Variants in STXBP5L observed in about 807,000 individuals in gnomAD.
The protein encoded by STXBP5L is syntaxin-binding protein 5-like.
A neutral mutation model predicts 144.5 loss-of-function variants in STXBP5L; 65 were observed. That is an observed-to-expected ratio of 0.45 (90% CI 0.37 to 0.55). The LOEUF (loss-of-function observed/expected upper bound fraction) is 0.55. Among genes scored for constraint, STXBP5L ranks in the 20% least tolerant of loss-of-function variants. STXBP5L has a pLI of 0.00. For synonymous variants in STXBP5L, 505 were observed against 469.6 expected (o/e 1.08, Z -0.97); for missense variants, 1,298 against 1,405.5 (o/e 0.92, Z 1.22).
intron 3 of STXBP5L, among the ~76,000 whole-genome samples, chr3:120,990,607 G>A (rs1354179714): frequency 6.6e-6 from 1 of 152,086 alleles, no homozygotes; most frequent in Non-Finnish European, 1.5e-5. Context: ...TACCAAAACA[G>A]CATGGTACTG....
intron 3 of STXBP5L, among the ~76,000 whole-genome samples, chr3:121,011,659 CT>C (rs200667115): frequency 2.0e-4 from 30 of 150,806 alleles, no homozygotes; most frequent in Admixed American, 4.7e-4. Context: ...GTAATATTCA[CT>C]TTTAAAAAAA....
chr3:121,207,868 CT>C (rs2048399219), intron 10 of STXBP5L, among the ~76,000 whole-genome samples: 1 of 152,122 alleles, frequency 6.6e-6, no homozygotes, highest in African/African-American at 2.4e-5. Flanking sequence ...AATAGGAACA[CT>C]TTTACACTGT....
intron 3 of STXBP5L, among the ~76,000 whole-genome samples, chr3:121,026,047 TAATTA>T (rs989273729): frequency 1.4e-5 from 2 of 147,402 alleles, no homozygotes; most frequent in Non-Finnish European, 3.0e-5. Flanking sequence ...TATATAATTA[TAATTA>T]AATTATATTA....
At chr3:121,103,426 T>C (rs2107788666) in intron 5 of STXBP5L, among the ~76,000 whole-genome samples, 1 of 152,004 alleles carries the variant, frequency 6.6e-6, no homozygotes, top group South Asian at 2.1e-4. Flanking sequence ...CTTAAGAAAA[T>C]TTACACAGGA....
intron 3 of STXBP5L, among the ~76,000 whole-genome samples, chr3:121,037,902 T>C (rs1946871393): frequency 6.6e-6 from 1 of 152,074 alleles, no homozygotes; most frequent in African/African-American, 2.4e-5. Flanking sequence ...TTTCTGGGAA[T>C]TTGTCCATTT....
At chr3:121,000,257 G>T (rs1943664062) in intron 3 of STXBP5L, among the ~76,000 whole-genome samples, 1 of 152,112 alleles carries the variant, frequency 6.6e-6, no homozygotes, top group African/African-American at 2.4e-5. Context: ...AGGAGTCATA[G>T]ATTTGGTCTA....
chr3:120,951,314 A>T (rs1448053934), intron 2 of STXBP5L, among the ~76,000 whole-genome samples: 1 of 152,232 alleles, frequency 6.6e-6, no homozygotes, highest in Non-Finnish European at 1.5e-5. Flanking sequence ...CGATCTAATT[A>T]AACTAAAGAG....
intron 3 of STXBP5L, among the ~76,000 whole-genome samples, chr3:120,967,247 C>T (rs1396360909): frequency 1.3e-5 from 2 of 152,176 alleles, no homozygotes; most frequent in African/African-American, 2.4e-5. Flanking sequence ...CCTCCCCTTG[C>T]ACTTCCTGGG....
At chr3:121,332,309 A>C (rs2044345673) in intron 20 of STXBP5L, among the ~76,000 whole-genome samples, 1 of 151,444 alleles carries the variant, frequency 6.6e-6, no homozygotes, top group Non-Finnish European at 1.5e-5. Flanking sequence ...AAGTTACTTC[A>C]GGAGATACAA....
chr3:120,936,795 C>T (rs1576447381), intron 2 of STXBP5L, among the ~76,000 whole-genome samples: 5 of 151,974 alleles, frequency 3.3e-5, no homozygotes, highest in Admixed American at 2.6e-4. Flanking sequence ...TATTTTTAGG[C>T]CTCCCAAAGT....
intron 19 of STXBP5L, among the ~76,000 whole-genome samples, chr3:121,305,973 A>G (rs2043323734): frequency 6.6e-6 from 1 of 152,208 alleles, no homozygotes; most frequent in Non-Finnish European, 1.5e-5. Flanking sequence ...ATATTTCTAT[A>G]TAAATAACAG....
intron 12 of STXBP5L, among the ~76,000 whole-genome samples, chr3:121,238,040 C>A (rs1455647181): frequency 6.6e-6 from 1 of 152,186 alleles, no homozygotes; most frequent in Non-Finnish European, 1.5e-5. Flanking sequence ...TCTCCAAACT[C>A]TTCCAACCTC....
chr3:121,047,912 A>G (rs892683936), intron 5 of STXBP5L, among the ~76,000 whole-genome samples: 2 of 151,994 alleles, frequency 1.3e-5, no homozygotes, highest in African/African-American at 4.8e-5. Context: ...GCTATTGTGC[A>G]TACTTGTTTG....
intron 22 of STXBP5L, among the ~76,000 whole-genome samples, chr3:121,405,513 G>A (rs1438001032): frequency 1.3e-5 from 2 of 152,126 alleles, no homozygotes; most frequent in Non-Finnish European, 2.9e-5. Flanking sequence ...ATTGAATGAA[G>A]GTTGTAGTCG....
Position 121,259,174 on chromosome 3 carries a change from TA to T in STXBP5L, c.1958+8del, listed in dbSNP as rs748420884. On this transcript the variant is annotated splice_region_variant and intron_variant, in intron 18 of 26. Transcript: ENST00000471454. ...GTAAGCTCAGCATATGGAATGTAAG[TA>T]ATTAAACTTTTTTATGATATGTATT... The T allele has an allele frequency of 9.8e-6, 15 of 1,529,470 alleles. No individual in the cohort carries two copies. Among genetic ancestry groups the T allele is most frequent in the Non-Finnish European group, 1.3e-5 (15 of 1,136,376 alleles). The allele number at this position is 1,529,470 out of a possible 1,614,324, so 94.7% of individuals were successfully genotyped here. A position where few individuals can be genotyped will look rare whatever the true frequency, so the allele number is the denominator to read the frequency against.
Position 121,407,437 on chromosome 3 carries a change from A to C in STXBP5L, c.2782A>C (p.Ile928Leu). 1 of 1,613,340 alleles carries C rather than the reference A, an allele frequency of 6.2e-7. No homozygotes were observed. Among genetic ancestry groups the C allele is most frequent in the Non-Finnish European group, 8.5e-7 (1 of 1,179,484 alleles). Residue 928 changes from isoleucine (I) to leucine (L), a missense_variant, in exon 23 of 27, where the codon ATC becomes CTC. Physicochemically the swap from Ile to Leu is conservative, Grantham distance 5. Coordinates refer to ENST00000471454, the MANE Select transcript of STXBP5L (RefSeq NM_001308330.2). ...QEIGDHQYTI[I>L]CSEKQAKVFS... Reference sequence around the variant, plus strand: ...AATAGGAGATCATCAGTATACAATAATCTGCTCAGAAAAACAAGCCAAAGT... The same window carrying C: ...AATAGGAGATCATCAGTATACAATACTCTGCTCAGAAAAACAAGCCAAAGT...
At position 120,909,448 on chromosome 3, in the gene STXBP5L, C is replaced by T. The variant is rs1377338518; in HGVS notation, c.-8-123C>T. 4 of 830,546 alleles carry T rather than the reference C, an allele frequency of 4.8e-6. No homozygotes were observed. The East Asian group carries it at 1.2e-4, about 25-fold the overall frequency. The allele number at this position is 830,546 out of a possible 1,614,324, so 51.4% of individuals were successfully genotyped here. ...TCCTGACTCTTTTTTTCCAGTCGGT[C>T]GTAACCAATGCTCATAAAATGGGGA... On this transcript the variant is annotated intron_variant, in intron 1 of 26. Transcript: ENST00000471454.
intron 20 of STXBP5L, among the ~76,000 whole-genome samples, chr3:121,364,073 T>A (rs1560023617): frequency 6.6e-6 from 1 of 152,214 alleles, no homozygotes; most frequent in Non-Finnish European, 1.5e-5. Context: ...TCATTTCTTG[T>A]TTGTGCCTTT....
intron 5 of STXBP5L, among the ~76,000 whole-genome samples, chr3:121,048,959 T>A (rs1397234105): frequency 6.6e-6 from 1 of 152,142 alleles, no homozygotes; most frequent in Non-Finnish European, 1.5e-5. Flanking sequence ...CCACTATATG[T>A]CCTCTCAATC....
Sources: allele counts gnomAD v4.1 joint callset (sites outside exome capture counted in the v4.1 genomes callset), GRCh38; gene constraint gnomAD v4.1.1; transcripts MANE v1.5; gene names NCBI Gene and HGNC (gene_info 2026-07-23, HGNC 2026-07-21).